The following UACA variants were observed in gnomAD, a reference collection of about 807,000 sequenced individuals.
The protein encoded by UACA is uveal autoantigen with coiled-coil domains and ankyrin repeats.
UACA carries 112 observed loss-of-function variants against 160.5 expected under a neutral mutation model. That is an observed-to-expected ratio of 0.70 (90% CI 0.60 to 0.82). The LOEUF (loss-of-function observed/expected upper bound fraction) is 0.82, where lower values mean the gene tolerates loss of function less well. Ranked by LOEUF, UACA falls within the 40% of genes least tolerant of loss-of-function variation. UACA has a pLI of 0.00. For synonymous variants in UACA, 557 were observed against 568.4 expected, an observed-to-expected ratio of 0.98 and a Z score of 0.29; for missense variants, 1,574 against 1,614.6, an observed-to-expected ratio of 0.97 and a Z score of 0.43.
rs201627344 is a variant in UACA at position 70,725,846 on chromosome 15, T to A, written c.79-26186A>T. Among the ~76,000 whole-genome samples, 413 of 152,228 alleles carry A rather than the reference T, an allele frequency of 2.7e-3. 2 individuals carry two copies. Among genetic ancestry groups the A allele is most frequent in the Non-Finnish European group, 4.3e-3 (291 of 68,000 alleles). On this transcript the variant is annotated intron_variant, in intron 1 of 18. Coordinates refer to ENST00000322954, the MANE Select transcript of UACA (RefSeq NM_018003.4). ...CGACACCAAGTCATCAAGATAACTT[T>A]GCTAGAAGAAAGAACCTGAAATGTA...
chr15:70,664,781 T>C lies in UACA; in HGVS notation c.3994A>G (p.Lys1332Glu). 1 of 1,613,504 alleles carries C rather than the reference T, an allele frequency of 6.2e-7. No homozygotes were observed. The change falls in exon 17 of 19, where the codon AAA (lysine) becomes GAA (glutamate). Residue 1332 changes from lysine to glutamate, a missense_variant. By Grantham distance (56) the Lys-to-Glu change is moderately conservative. Coordinates refer to ENST00000322954, the MANE Select transcript of UACA (RefSeq NM_018003.4). ...TGGGAAAGGCCATTGAGTGCCTGTT[T>C]TAATCTTTCCACATCATTAAGCAGT... ...TELLNDVERLKQALNGLSQLT... is the reference protein window; with the variant it reads ...TELLNDVERLEQALNGLSQLT...
At chr15:70,739,431 C>G (rs1160156093) in intron 1 of UACA, among the ~76,000 whole-genome samples, 1 of 151,822 alleles carries the variant, frequency 6.6e-6, no homozygotes, top group Non-Finnish European at 1.5e-5. Context: ...AACAAAATCA[C>G]CCCTAGTTGA....
intron 1 of UACA, among the ~76,000 whole-genome samples, chr15:70,743,815 CAA>C: frequency 6.6e-6 from 1 of 152,096 alleles, no homozygotes; most frequent in East Asian, 1.9e-4. Flanking sequence ...AAGCCAAAAG[CAA>C]AAGACTCTGA....
intron 1 of UACA, among the ~76,000 whole-genome samples, chr15:70,705,019 G>A (rs1010883867): frequency 2.0e-5 from 3 of 152,188 alleles, no homozygotes; most frequent in Admixed American, 6.5e-5. Flanking sequence ...ACACTCAGCA[G>A]TGTATGAGTG....
chr15:70,659,288 CAT>C (rs1896593701), intron 18 of UACA, among the ~76,000 whole-genome samples: 1 of 150,644 alleles, frequency 6.6e-6, no homozygotes, highest in South Asian at 2.1e-4. Context: ...AATTTGATAT[CAT>C]AAAGTATCTT....
At chr15:70,690,155 C>CCTCTCT (rs745886307) in intron 5 of UACA, among the ~76,000 whole-genome samples, 21 of 149,588 alleles carry the variant, frequency 1.4e-4, no homozygotes, top group Non-Finnish European at 2.8e-4. Flanking sequence ...TCTCTGTTTC[C>CCTCTCT]CTCTCTCTCT....
In UACA at chr15:70,670,179, C is replaced by T. The variant is rs536516893; in HGVS notation, c.1222-717G>A. Among the ~76,000 whole-genome samples, 5 of 152,188 alleles carry T rather than the reference C, an allele frequency of 3.3e-5. No individual in the cohort carries two copies. The South Asian group carries it at 1.0e-3, about 32-fold the overall frequency. ...CTGGGTGAGCAGGCTCAAGCATGCGCACTAAGAGGCAAAATGGTGGATGTA... is the reference window on the plus strand; with the variant it reads ...CTGGGTGAGCAGGCTCAAGCATGCGTACTAAGAGGCAAAATGGTGGATGTA... On this transcript the variant is annotated intron_variant, in intron 15 of 18. Transcript: ENST00000322954.
In UACA at chr15:70,678,312, T is replaced by C; in HGVS notation, c.892-106A>G. 3 of 617,790 alleles carry C rather than the reference T, an allele frequency of 4.9e-6. 1 individual carries two copies. The South Asian group carries it at 6.6e-5, about 14-fold the overall frequency. 38.3% of individuals were successfully genotyped at this position (617,790 alleles called of 1,614,324 possible). A position where few individuals can be genotyped will look rare whatever the true frequency, so the allele number is the denominator to read the frequency against. Reference sequence around the variant, plus strand: ...ACTACCATACAGGTACATACATATGTAAAACACTAAGTACAAAAGATACAA... The same window carrying C: ...ACTACCATACAGGTACATACATATGCAAAACACTAAGTACAAAAGATACAA... On this transcript the variant is annotated intron_variant, in intron 10 of 18. Transcript: ENST00000322954.
chr15:70,775,276 T>C, the UACA span, among the ~76,000 whole-genome samples: 1 of 152,214 alleles, frequency 6.6e-6, no homozygotes, highest in Non-Finnish European at 1.5e-5. Context: ...ACTTACACCA[T>C]GGAATTCAAA....
At position 70,755,553 on chromosome 15, in the gene UACA, C is replaced by T. The variant is rs144740804; in HGVS notation, c.78+7777G>A. Among the ~76,000 whole-genome samples the T allele has an allele frequency of 7.2e-5, 11 of 151,976 alleles. No homozygotes were observed. The East Asian group carries it at 2.1e-3, about 29-fold the overall frequency. On this transcript the variant is annotated intron_variant, in intron 1 of 18. Coordinates refer to ENST00000322954, the MANE Select transcript of UACA (RefSeq NM_018003.4). ...GGCATGGTGACAGGAGCCTGTAGTA[C>T]CAGCTACTCGGGAGGCTGAGGCAAG...
chr15:70,777,729 G>C, the UACA span, among the ~76,000 whole-genome samples: 126 of 152,276 alleles, frequency 8.3e-4, no homozygotes, highest in African/African-American at 3.0e-3. Flanking sequence ...GGGGAAGTGA[G>C]AACAAAAGTG....
At chr15:70,744,142 G>C (rs1263388158) in intron 1 of UACA, among the ~76,000 whole-genome samples, 1 of 151,612 alleles carries the variant, frequency 6.6e-6, no homozygotes, top group African/African-American at 2.4e-5. Flanking sequence ...CTACTGGAGA[G>C]GCTGAGGCAG....
chr15:70,755,801 T>G lies in UACA; in HGVS notation c.78+7529A>C, dbSNP rs138707013. 2.6e-3 allele frequency among the ~76,000 whole-genome samples: 389 copies of G among 152,336 alleles called. 3 individuals are homozygous for G. The highest frequency in any genetic ancestry group is 4.8e-3 in the Non-Finnish European group (325 of 68,028). On this transcript the variant is annotated intron_variant, in intron 1 of 18. Transcript: ENST00000322954. ...TGTCTATGCCTCATCTGTGCCATCCTCTACCATAAAACCAGAATTAGTTTC... is the reference window on the plus strand; with the variant it reads ...TGTCTATGCCTCATCTGTGCCATCCGCTACCATAAAACCAGAATTAGTTTC...
intron 3 of UACA, among the ~76,000 whole-genome samples, chr15:70,694,009 C>T (rs1237607728): frequency 1.3e-5 from 2 of 152,150 alleles, no homozygotes; most frequent in Non-Finnish European, 2.9e-5. Flanking sequence ...CCCTCTCCCT[C>T]CCTTCCATTT....
intron 15 of UACA, among the ~76,000 whole-genome samples, chr15:70,670,089 A>G (rs953235975): frequency 2.6e-5 from 4 of 152,152 alleles, no homozygotes; most frequent in African/African-American, 9.6e-5. Context: ...AGGGAAAGAG[A>G]GTCTCCCAAT....
At chr15:70,750,423 C>T (rs2029974109) in intron 1 of UACA, among the ~76,000 whole-genome samples, 1 of 152,180 alleles carries the variant, frequency 6.6e-6, no homozygotes, top group South Asian at 2.1e-4. Context: ...TAGGATCCTC[C>T]CTTGCTATTT....
In UACA at chr15:70,668,282, G is replaced by A; in HGVS notation, c.2402C>T (p.Thr801Ile). The A allele has an allele frequency of 6.2e-7, 1 of 1,613,478 alleles. No individual in the cohort carries two copies. Residue 801 changes from threonine to isoleucine, a missense_variant, in exon 16 of 19, where the codon ACT becomes ATT. Coordinates refer to ENST00000322954, the MANE Select transcript of UACA (RefSeq NM_018003.4). ...SLSKDVSRLE[T>I]VFVPPEKHEK... ...ATGTTTCTCAGGAGGTACAAACACAGTTTCTAGGCGGCTTACATCCTTACT... is the reference window on the plus strand; with the variant it reads ...ATGTTTCTCAGGAGGTACAAACACAATTTCTAGGCGGCTTACATCCTTACT...
chr15:70,763,988 A>G (rs2141023040), upstream of UACA, among the ~76,000 whole-genome samples: 1 of 152,360 alleles, frequency 6.6e-6, no homozygotes. Flanking sequence ...ACTTCTTTTC[A>G]GTCTCCTGTT....
intron 1 of UACA, among the ~76,000 whole-genome samples, chr15:70,723,489 G>A (rs747446678): frequency 5.3e-5 from 8 of 152,114 alleles, no homozygotes; most frequent in Non-Finnish European, 7.4e-5. Flanking sequence ...CTTGAAATGG[G>A]TACTCTCCCT....
Sources: gnomAD v4.1 joint callset for allele counts (sites outside exome capture counted in the v4.1 genomes callset) on GRCh38, gnomAD v4.1.1 for gene constraint, MANE v1.5 for transcripts, NCBI Gene and HGNC (gene_info 2026-07-23, HGNC 2026-07-21) for gene names.